Variants in CCDC150 observed in about 807,000 individuals in gnomAD.
The protein encoded by CCDC150 is coiled-coil domain containing 150, also known as coiled-coil domain-containing protein 150.
In CCDC150, 151 loss-of-function variants were observed where a neutral mutation model predicts 156.5. That is an observed-to-expected ratio of 0.97 (90% confidence interval 0.85 to 1.10). The LOEUF (loss-of-function observed/expected upper bound fraction) is 1.10. Among genes scored for constraint, CCDC150 ranks in the 50% least tolerant of loss-of-function variants. The probability of loss-of-function intolerance (pLI) is 0.00; values close to 1 mark genes in which losing one functional copy is unlikely to be tolerated. For missense variants in CCDC150, 1,312 were observed against 1,268.1 expected (o/e 1.03, Z -0.53); for synonymous variants, 452 against 429.4 (o/e 1.05, Z -0.65).
chr2:196,672,353 G>GATATCTT lies in CCDC150; in HGVS notation c.946_952dup (p.Phe318TyrfsTer8). 1 of 1,522,902 alleles carries GATATCTT rather than the reference G, an allele frequency of 6.6e-7. No individual in the cohort carries two copies. Among genetic ancestry groups the GATATCTT allele is most frequent in the South Asian group, 1.3e-5 (1 of 76,470 alleles). The allele number at this position is 1,522,902 out of a possible 1,614,324, so 94.3% of individuals were successfully genotyped here. On this transcript the variant is annotated frameshift_variant, in exon 9 of 28. Transcript: ENST00000389175. LOFTEE classifies it high-confidence loss of function. ...AATTTTTTTTCTTATAGAACCTGCA[G>GATATCTT]ATATCTTTCAACAAGGAACATGAAG... is the stretch of plus-strand genomic sequence containing the variant.
intron 13 of CCDC150, among the ~76,000 whole-genome samples, chr2:196,691,898 G>A (rs929157385): frequency 2.6e-5 from 4 of 151,966 alleles, no homozygotes; most frequent in South Asian, 2.1e-4. Context: ...CTGAGATTGC[G>A]CCACTGCACT....
intron 14 of CCDC150, 101 bp from the exon 15 acceptor site, chr2:196,701,008 A>G: frequency 2.7e-6 from 2 of 742,038 alleles, no homozygotes; most frequent in Middle Eastern, 2.4e-4. Flanking sequence ...TCTTGATCTT[A>G]TGATGATAGA....
At chr2:196,713,739 A>G in intron 17 of CCDC150, 11 of 1,378,422 alleles carry the variant, frequency 8.0e-6, no homozygotes, top group Non-Finnish European at 1.0e-5. Flanking sequence ...TACAAGAATG[A>G]AATATTAATC....
At chr2:196,714,316 C>T (rs1361687665) in intron 17 of CCDC150, among the ~76,000 whole-genome samples, 1 of 152,134 alleles carries the variant, frequency 6.6e-6, no homozygotes, top group Non-Finnish European at 1.5e-5. Context: ...CTATGGCTAC[C>T]TCTTATCTGG....
chr2:196,674,292 C>CAGA lies in CCDC150; in HGVS notation c.1082_1084dup (p.Gln361_Thr362insLys). 1 of 1,604,216 alleles carries CAGA rather than the reference C, an allele frequency of 6.2e-7. No homozygotes were observed. The highest frequency in any genetic ancestry group is 1.1e-5 in the South Asian group (1 of 88,870). Reference sequence around the variant, plus strand: ...GTGTTCAGAGTTGAGCTGCATGCTTCAGACTGTTACTATGGAAAAAGCCAG... The same window carrying CAGA: ...GTGTTCAGAGTTGAGCTGCATGCTTCAGAAGACTGTTACTATGGAAAAAGCCAG... On this transcript the variant is annotated inframe_insertion, in exon 10 of 28. Transcript: ENST00000389175.
chr2:196,701,619 A>G (rs1696215120), intron 15 of CCDC150, among the ~76,000 whole-genome samples: 1 of 152,230 alleles, frequency 6.6e-6, no homozygotes, highest in Non-Finnish European at 1.5e-5. Flanking sequence ...TGCAACTGAT[A>G]TAGGTAAGCC....
intron 9 of CCDC150, among the ~76,000 whole-genome samples, 181 bp from the exon 10 acceptor site, chr2:196,674,060 G>A (rs1694356581): frequency 6.6e-6 from 1 of 152,106 alleles, no homozygotes; most frequent in Admixed American, 6.6e-5. Flanking sequence ...ATTATTTATG[G>A]TGTAGACTTT....
intron 15 of CCDC150, among the ~76,000 whole-genome samples, chr2:196,705,143 T>A (rs1204034390): frequency 1.3e-5 from 2 of 152,244 alleles, no homozygotes; most frequent in Non-Finnish European, 2.9e-5. Context: ...TCTTCCACAA[T>A]GGTTGAACTA....
intron 13 of CCDC150, among the ~76,000 whole-genome samples, chr2:196,689,583 G>A (rs1695320069): frequency 6.6e-6 from 1 of 151,934 alleles, no homozygotes; most frequent in South Asian, 2.1e-4. Context: ...TGTGATTTTT[G>A]TACATTGATT....
rs535198921 is a variant in CCDC150, at chr2:196,706,149, G to C, written c.1695+4969G>C. On this transcript the variant is annotated intron_variant, in intron 15 of 27. Transcript: ENST00000389175. ...GGGCAGTATGGCCATACGGCATTATGGAAGAACAAATATTCTTCCATTTGT... is the reference window on the plus strand; with the variant it reads ...GGGCAGTATGGCCATACGGCATTATCGAAGAACAAATATTCTTCCATTTGT... 4.0e-5 allele frequency among the ~76,000 whole-genome samples: 6 copies of C among 151,560 alleles called. No homozygotes were observed. The East Asian group carries it at 1.2e-3, about 30-fold the overall frequency.
chr2:196,717,133 C>T (rs1056720517), intron 17 of CCDC150, among the ~76,000 whole-genome samples: 4 of 152,086 alleles, frequency 2.6e-5, no homozygotes, highest in Admixed American at 2.6e-4. Context: ...TCATGATCCA[C>T]CTGCCTTGGC....
At chr2:196,713,051 CAA>C in intron 17 of CCDC150, 1 of 469,884 alleles carries the variant, frequency 2.1e-6, no homozygotes. Context: ...AATATGTTTT[CAA>C]ATGGAATACT....
At position 196,720,425 on chromosome 2, in the gene CCDC150, A is replaced by C. The variant is rs1032756189; in HGVS notation, c.2166-150A>C. On this transcript the variant is annotated intron_variant, in intron 19 of 27. Coordinates refer to ENST00000389175, the MANE Select transcript of CCDC150 (RefSeq NM_001080539.2). ...CAGCAAGTCAATCTTTGTAAAGGCA[A>C]TATATTTTGTACTAGTGATATTTAC... 5 of 616,092 alleles carry C rather than the reference A, an allele frequency of 8.1e-6. No homozygotes were observed. The African/African-American group carries it at 9.3e-5, about 11-fold the overall frequency. The allele number at this position is 616,092 out of a possible 1,614,324, so 38.2% of individuals were successfully genotyped here.
intron 7 of CCDC150, among the ~76,000 whole-genome samples, chr2:196,668,775 T>C (rs917261134): frequency 2.6e-5 from 4 of 152,190 alleles, no homozygotes; most frequent in African/African-American, 7.2e-5. Context: ...AGATAAACAC[T>C]CCCCTTTCAT....
intron 22 of CCDC150, among the ~76,000 whole-genome samples, chr2:196,728,328 T>A (rs1698329650): frequency 2.0e-5 from 3 of 152,208 alleles, no homozygotes; most frequent in Non-Finnish European, 2.9e-5. Context: ...AATAAAAGAC[T>A]GTAGTGTAAA....
At chr2:196,655,025 A>C (rs1185288584) in intron 2 of CCDC150, among the ~76,000 whole-genome samples, 4 of 152,350 alleles carry the variant, frequency 2.6e-5, no homozygotes. Flanking sequence ...CACGCTCTCT[A>C]GATGCAGCTG....
In CCDC150 at chr2:196,672,398, C is replaced by A; in HGVS notation, c.990C>A (p.Ser330=). 2 of 1,543,280 alleles carry A rather than the reference C, an allele frequency of 1.3e-6. No homozygotes were observed. The highest frequency in any genetic ancestry group is 1.4e-5 in the African/African-American group (1 of 72,228). ...ATGAAGAAAATGCATATTTGAGGTC[C>A]GAAATAATGTCTCTTCATGAAGCAT... ...KEHEENAYLR[S]EIMSLHEASE... Residue 330 remains serine, a synonymous_variant, in exon 9 of 28, where the codon TCC becomes TCA. Transcript: ENST00000389175.
chr2:196,719,350 A>G, intron 18 of CCDC150, 147 bp from the exon 19 acceptor site: 1 of 586,358 alleles, frequency 1.7e-6, no homozygotes, highest in Non-Finnish European at 2.7e-6. Context: ...CCACCTAAAA[A>G]TAAAATATAC....
In CCDC150 at chr2:196,719,639, C is replaced by T. The variant is rs763603564; in HGVS notation, c.2138C>T (p.Ser713Leu). The change falls in exon 19 of 28, where the codon TCA (serine) becomes TTA (leucine). Residue 713 changes from serine to leucine, a missense_variant. By Grantham distance (145) the Ser-to-Leu change is moderately radical. Transcript: ENST00000389175. ...KVQIELGRRDSEIAGLKKERD... is the reference protein window; with the variant it reads ...KVQIELGRRDLEIAGLKKERD... ...CAAATAGAGCTTGGGCGGAGGGATTCAGAGATTGCAGGCCTCAAGAAAGAA... is the reference window on the plus strand; with the variant it reads ...CAAATAGAGCTTGGGCGGAGGGATTTAGAGATTGCAGGCCTCAAGAAAGAA... The T allele has an allele frequency of 6.2e-7, 1 of 1,610,758 alleles. No homozygotes were observed. The highest frequency in any genetic ancestry group is 8.5e-7 in the Non-Finnish European group (1 of 1,178,672).
Sources: gnomAD v4.1 joint callset for allele counts (sites outside exome capture counted in the v4.1 genomes callset) on GRCh38, gnomAD v4.1.1 for gene constraint, MANE v1.5 for transcripts, NCBI Gene and HGNC (gene_info 2026-07-23, HGNC 2026-07-21) for gene names.